Variants in TMC1 observed in about 807,000 individuals in gnomAD.
The protein encoded by TMC1 is transmembrane channel like 1, also known as transmembrane channel-like protein 1.
TMC1 carries 84 observed loss-of-function variants against 105.8 expected under a neutral mutation model. The observed-to-expected ratio is 0.79, with a 90% confidence interval of 0.67 to 0.95. TMC1 has a LOEUF of 0.95. Among genes scored for constraint, TMC1 ranks in the 40% least tolerant of loss-of-function variants. The pLI, the probability that TMC1 is intolerant of heterozygous loss-of-function variation, is 0.00. For synonymous variants in TMC1, 315 were observed against 311.5 expected, an observed-to-expected ratio of 1.01 and a Z score of -0.12; for missense variants, 817 against 914.1, an observed-to-expected ratio of 0.89 and a Z score of 1.37.
Position 72,694,641 on chromosome 9 carries a change from G to C in TMC1, c.163G>C (p.Glu55Gln). 1 of 1,612,958 alleles carries C rather than the reference G, an allele frequency of 6.2e-7. No individual in the cohort carries two copies. The highest frequency in any genetic ancestry group is 8.5e-7 in the Non-Finnish European group (1 of 1,179,446). ...TRDVINEDDP[E>Q]PEPEDEETRK... ...AGATGTTATCAATGAGGATGACCCA[G>C]AACCTGAACCAGAGGATGAAGAAAC... Residue 55 changes from glutamate to glutamine, a missense_variant, in exon 7 of 24, where the codon GAA (glutamate) becomes CAA (glutamine). Coordinates refer to ENST00000297784, the MANE Select transcript of TMC1 (RefSeq NM_138691.3).
chr9:72,671,803 G>A (rs1826130155), intron 5 of TMC1, among the ~76,000 whole-genome samples: 1 of 152,148 alleles, frequency 6.6e-6, no homozygotes, highest in Non-Finnish European at 1.5e-5. Context: ...GCATAGTATA[G>A]TTGTTAAATC....
intron 1 of TMC1, among the ~76,000 whole-genome samples, chr9:72,548,093 G>T (rs1823802012): frequency 6.6e-6 from 1 of 152,174 alleles, no homozygotes; most frequent in South Asian, 2.1e-4. Flanking sequence ...ATCACTTGGA[G>T]ATTTAGCCTT....
At chr9:72,559,942 CTG>C (rs1280161928) in intron 1 of TMC1, among the ~76,000 whole-genome samples, 2 of 152,170 alleles carry the variant, frequency 1.3e-5, no homozygotes, top group Non-Finnish European at 2.9e-5. Context: ...TAGGAGGAAA[CTG>C]TTATTTTGGA....
chr9:72,790,657 T>C (rs1049974026), intron 15 of TMC1, among the ~76,000 whole-genome samples: 1 of 152,168 alleles, frequency 6.6e-6, no homozygotes, highest in African/African-American at 2.4e-5. Context: ...CTTTAACATA[T>C]ATTTTAGGGA....
intron 4 of TMC1, among the ~76,000 whole-genome samples, chr9:72,642,794 T>C (rs946691824): frequency 1.3e-5 from 2 of 152,336 alleles, no homozygotes; most frequent in African/African-American, 4.8e-5. Context: ...CCCTTTAAGT[T>C]CTATGAGTTT....
At position 72,821,050 on chromosome 9, in the gene TMC1, C is replaced by T. The variant is rs1828863573; in HGVS notation, c.1972C>T (p.Leu658Phe). The change falls in exon 20 of 24, where the codon CTC becomes TTC. Residue 658 changes from leucine to phenylalanine, a missense_variant. By Grantham distance (22) the Leu-to-Phe change is conservative (BLOSUM62 0). Transcript: ENST00000297784. The part of the protein sequence containing the change: ...TMPVLYMIVS[L>F]PPSFDCGPFS... ...GCCTGTCTTGTACATGATCGTGTCC[C>T]TCCCACCATCTTTTGATTGTGGTCC... 3 of 1,614,068 alleles carry T rather than the reference C, an allele frequency of 1.9e-6. No individual in the cohort carries two copies. The highest frequency in any genetic ancestry group is 1.7e-6 in the Non-Finnish European group (2 of 1,180,040).
intron 4 of TMC1, among the ~76,000 whole-genome samples, chr9:72,632,442 A>G (rs1279405673): frequency 1.3e-5 from 2 of 152,200 alleles, no homozygotes; most frequent in South Asian, 2.1e-4. Context: ...CAGACTCCAT[A>G]CTGCAGAACA....
intron 8 of TMC1, among the ~76,000 whole-genome samples, chr9:72,728,128 C>T: frequency 6.6e-6 from 1 of 152,064 alleles, no homozygotes; most frequent in East Asian, 1.9e-4. Context: ...GTATATCCCT[C>T]TTATTCATGG....
chr9:72,655,899 A>G lies in TMC1; in HGVS notation c.16+7235A>G, dbSNP rs145695112. The stretch of plus-strand genomic sequence containing the variant: ...AATACTGATGGAAGTAATCTGCTTA[A>G]CAATCTCAGAAGGACTGAGCAAGTC... On this transcript the variant is annotated intron_variant, in intron 5 of 23. Coordinates refer to ENST00000297784, the MANE Select transcript of TMC1 (RefSeq NM_138691.3). 1.3e-3 allele frequency: 1,058 copies of G among 786,308 alleles called. 9 individuals are homozygous for G. The highest frequency in any genetic ancestry group is 1.4e-3 in the Admixed American group (81 of 58,852). The allele number at this position is 786,308 out of a possible 1,614,324, so 48.7% of individuals were successfully genotyped here.
Position 72,804,405 on chromosome 9 carries a change from A to T in TMC1, c.1567-977A>T, listed in dbSNP as rs190066008. Among the ~76,000 whole-genome samples the T allele has an allele frequency of 3.5e-3, 530 of 152,288 alleles. 1 individual carries two copies. The highest frequency in any genetic ancestry group is 0.021 in the South Asian group (102 of 4,824). ...TAAAAAAAGAAGACATAAAAAATTT[A>T]AAAAAATACACAATTCAATGGTTTC... On this transcript the variant is annotated intron_variant, in intron 17 of 23. Transcript: ENST00000297784.
At chr9:72,729,719 A>G (rs1241562392) in intron 8 of TMC1, among the ~76,000 whole-genome samples, 1 of 152,198 alleles carries the variant, frequency 6.6e-6, no homozygotes, top group East Asian at 1.9e-4. Context: ...CTTTGTCCCT[A>G]TCATAAGGTC....
chr9:72,732,910 C>G, intron 8 of TMC1, among the ~76,000 whole-genome samples: 1 of 152,326 alleles, frequency 6.6e-6, no homozygotes, highest in Non-Finnish European at 1.5e-5. Context: ...ATGGCCAACA[C>G]TCAGTGTGCT....
intron 5 of TMC1, among the ~76,000 whole-genome samples, chr9:72,652,596 C>G (rs1244972826): frequency 1.3e-5 from 2 of 152,156 alleles, no homozygotes; most frequent in South Asian, 2.1e-4. Context: ...AAGAAATAAC[C>G]TGCAATGCGG....
chr9:72,600,482 A>G (rs1394114208), intron 2 of TMC1, among the ~76,000 whole-genome samples: 1 of 152,190 alleles, frequency 6.6e-6, no homozygotes, highest in Non-Finnish European at 1.5e-5. Flanking sequence ...TTTCTACCAT[A>G]TCTTTGGCTT....
chr9:72,734,065 CTG>C (rs1214941348), intron 8 of TMC1, among the ~76,000 whole-genome samples: 7 of 152,180 alleles, frequency 4.6e-5, no homozygotes, highest in East Asian at 1.9e-4. Context: ...AGAGTGCAGA[CTG>C]TGTGGATTTG....
intron 2 of TMC1, among the ~76,000 whole-genome samples, chr9:72,605,093 A>C (rs917570110): frequency 6.6e-6 from 1 of 152,262 alleles, no homozygotes; most frequent in African/African-American, 2.4e-5. Flanking sequence ...TGGGAAATTC[A>C]GACAACAAAA....
At chr9:72,651,580 G>C (rs1048615914) in intron 5 of TMC1, 13 of 151,974 alleles carry the variant, frequency 8.6e-5, no homozygotes, top group Non-Finnish European at 1.5e-4. Context: ...ATTTGATGAT[G>C]TGCATGATGT....
intron 8 of TMC1, 150 bp from the exon 9 acceptor site, chr9:72,739,969 C>A: frequency 1.6e-6 from 1 of 614,934 alleles, no homozygotes; most frequent in South Asian, 2.1e-5. Flanking sequence ...TTGAAAATTT[C>A]TAGGTTATGA....
intron 5 of TMC1, among the ~76,000 whole-genome samples, chr9:72,686,237 A>AT (rs1335568098): frequency 1.3e-5 from 2 of 152,086 alleles, no homozygotes; most frequent in African/African-American, 4.8e-5. Flanking sequence ...AGACAAGGTT[A>AT]TTTTTAAAGT....
Sources: allele counts gnomAD v4.1 joint callset (sites outside exome capture counted in the v4.1 genomes callset), GRCh38; gene constraint gnomAD v4.1.1; transcripts MANE v1.5; gene names NCBI Gene and HGNC (gene_info 2026-07-23, HGNC 2026-07-21).